Variants in MUC17 observed in about 807,000 individuals in gnomAD.
The protein encoded by MUC17 is mucin 17, cell surface associated.
Under a neutral mutation model 170.3 loss-of-function variants are expected in MUC17, and 190 were observed. That is an observed-to-expected ratio of 1.12 (90% confidence interval 0.99 to 1.26). The LOEUF (loss-of-function observed/expected upper bound fraction) is 1.26. MUC17 is among the 50% of genes most tolerant of loss of function. MUC17 has a pLI of 0.00. For missense variants in MUC17, 6,415 were observed against 5,530.0 expected, an observed-to-expected ratio of 1.16 and a Z score of -5.08; for synonymous variants, 2,325 against 2,002.5, an observed-to-expected ratio of 1.16 and a Z score of -4.30.
rs142444596 is a variant in MUC17, at chr7:101,037,153, G to T, written c.5737G>T (p.Gly1913Cys). 1,102 of 1,612,556 alleles carry T rather than the reference G, an allele frequency of 6.8e-4. 1 individual carries two copies. Among genetic ancestry groups the T allele is most frequent in the South Asian group, 9.6e-4 (87 of 90,618 alleles). Residue 1913 changes from glycine (G) to cysteine (C), a missense_variant, in exon 3 of 13, where the codon GGT becomes TGT. Gly to Cys is a radical substitution (Grantham distance 159, BLOSUM62 -3). Transcript: ENST00000306151. ...CAGTTCATCTCCTACAACTGCTGAC[G>T]GTAGCAGCATGCCAACCTCAACTCC... ...QVSSSPTTAD[G>C]SSMPTSTPRE...
In MUC17 at chr7:101,041,598, T is replaced by C. The variant is rs1379536412; in HGVS notation, c.10182T>C (p.Pro3394=). 1 of 1,613,616 alleles carries C rather than the reference T, an allele frequency of 6.2e-7. No individual in the cohort carries two copies. The highest frequency in any genetic ancestry group is 8.5e-7 in the Non-Finnish European group (1 of 1,179,898). The change falls in exon 3 of 13, where the codon CCT becomes CCC. Residue 3394 remains proline (P), a synonymous_variant. Coordinates refer to ENST00000306151, the MANE Select transcript of MUC17 (RefSeq NM_001040105.2). ...AEGTSIPTSS[P]SEGTTPLASM... is the part of the protein sequence containing the mutation. ...GTACCAGCATACCAACCTCAAGTCC[T>C]AGTGAAGGAACCACTCCATTAGCAA...
In MUC17 at chr7:101,035,323, G is replaced by T. The variant is rs760397026; in HGVS notation, c.3907G>T (p.Val1303Phe). 1 of 1,610,456 alleles carries T rather than the reference G, an allele frequency of 6.2e-7. No individual in the cohort carries two copies. The highest frequency in any genetic ancestry group is 2.2e-5 in the East Asian group (1 of 44,560). ...GGCTAGCACCCTTTTAACAACTCCT[G>T]TTGACACTAAAGGTCCTGTGGTCAC... ...PEASTLLTTP[V>F]DTKGPVVTSN... The change falls in exon 3 of 13, where the codon GTT becomes TTT. Residue 1303 changes from valine (V) to phenylalanine (F), a missense_variant. Val to Phe is a conservative substitution (Grantham distance 50). Coordinates refer to ENST00000306151, the MANE Select transcript of MUC17 (RefSeq NM_001040105.2).
In MUC17 at chr7:101,042,292, C is replaced by T. The variant is rs770294093; in HGVS notation, c.10876C>T (p.Pro3626Ser). The T allele has an allele frequency of 1.4e-5, 22 of 1,613,794 alleles. No homozygotes were observed. The highest frequency in any genetic ancestry group is 1.9e-5 in the Non-Finnish European group (22 of 1,179,948). Residue 3626 changes from proline (P) to serine (S), a missense_variant, in exon 3 of 13, where the codon CCA becomes TCA. Physicochemically the swap from Pro to Ser is moderately conservative, Grantham distance 74. Transcript: ENST00000306151. The part of the protein sequence containing the change: ...TPTPPEVITL[P>S]MSTPSEVSTP... The stretch of plus-strand genomic sequence containing the variant: ...TACACCTCCTGAAGTTATCACCCTG[C>T]CAATGTCAACTCCTAGTGAAGTAAG...
In MUC17 at chr7:101,037,509, T is replaced by C; in HGVS notation, c.6093T>C (p.Gly2031=). The C allele has an allele frequency of 6.2e-7, 1 of 1,613,492 alleles. No homozygotes were observed. The highest frequency in any genetic ancestry group is 8.5e-7 in the Non-Finnish European group (1 of 1,179,788). The change falls in exon 3 of 13, where the codon GGT becomes GGC. Residue 2031 remains glycine (G), a synonymous_variant. Coordinates refer to ENST00000306151, the MANE Select transcript of MUC17 (RefSeq NM_001040105.2). The part of the protein sequence containing the change: ...EGSSSPTTAG[G]TSIQTSTPSE... ...GTTCATCTCCTACAACTGCAGGAGG[T>C]ACCAGCATACAAACCTCAACTCCTA...
rs374588011 is a variant in MUC17 at position 101,058,087 on chromosome 7, G to A, written c.*43G>A. ...TCTGGGAGTGAGGAGATCCCAGTCC[G>A]GCTAAGCTTGGTGGAGCATTTTCCC... On this transcript the variant is annotated 3_prime_UTR_variant, in exon 13 of 13. Coordinates refer to ENST00000306151, the MANE Select transcript of MUC17 (RefSeq NM_001040105.2). 25 of 1,584,204 alleles carry A rather than the reference G, an allele frequency of 1.6e-5. No individual in the cohort carries two copies. Among genetic ancestry groups the A allele is most frequent in the Middle Eastern group, 1.7e-4 (1 of 6,008 alleles).
Position 101,042,849 on chromosome 7 carries a change from A to G in MUC17, c.11433A>G (p.Glu3811=). ...TTTMPMSTTS[E]RSTLLTTVLI... Reference sequence around the variant, plus strand: ...CCATGCCTATGTCAACTACGAGTGAAAGAAGCACTTTATTGACAACTGTCC... The same window carrying G: ...CCATGCCTATGTCAACTACGAGTGAGAGAAGCACTTTATTGACAACTGTCC... The change falls in exon 3 of 13, where the codon GAA becomes GAG. Residue 3811 remains glutamate, a synonymous_variant. Coordinates refer to ENST00000306151, the MANE Select transcript of MUC17 (RefSeq NM_001040105.2). The G allele has an allele frequency of 1.2e-6, 2 of 1,614,148 alleles. No individual in the cohort carries two copies. Among genetic ancestry groups the G allele is most frequent in the Non-Finnish European group, 1.7e-6 (2 of 1,180,018 alleles).
In MUC17 at chr7:101,038,554, A is replaced by C. The variant is rs201819666; in HGVS notation, c.7138A>C (p.Thr2380Pro). The stretch of plus-strand genomic sequence containing the variant: ...TTATTCTCAAGCCGGTTCATCTCCT[A>C]CAACTGCTGACGATACTAGCATGCC... ...TTYSQAGSSP[T>P]TADDTSMPTS... Residue 2380 changes from threonine (T) to proline (P), a missense_variant, in exon 3 of 13, where the codon ACA becomes CCA. By Grantham distance (38) the Thr-to-Pro change is conservative. Transcript: ENST00000306151. 5 of 1,613,858 alleles carry C rather than the reference A, an allele frequency of 3.1e-6. No individual in the cohort carries two copies. The highest frequency in any genetic ancestry group is 4.2e-6 in the Non-Finnish European group (5 of 1,179,918).
Position 101,042,704 on chromosome 7 carries a change from C to T in MUC17, c.11288C>T (p.Thr3763Ile), listed in dbSNP as rs1410926637. 2 of 1,613,728 alleles carry T rather than the reference C, an allele frequency of 1.2e-6. No individual in the cohort carries two copies. Among genetic ancestry groups the T allele is most frequent in the Non-Finnish European group, 1.7e-6 (2 of 1,180,050 alleles). Residue 3763 changes from threonine (T) to isoleucine (I), a missense_variant, in exon 3 of 13, where the codon ACA becomes ATA. By Grantham distance (89) the Thr-to-Ile change is moderately conservative. Transcript: ENST00000306151. The part of the protein sequence containing the change: ...TLGTTILVST[T>I]PVTRFPESST... The stretch of plus-strand genomic sequence containing the variant: ...GGGACCACTATTCTTGTCAGTACCA[C>T]ACCTGTTACGAGGTTTCCTGAGAGT...
rs749243974 is a variant in MUC17 at position 101,035,307 on chromosome 7, C to A, written c.3891C>A (p.Thr1297=). ...TTLVTSPEAS[T]LLTTPVDTKG... ...TGGTGACCAGTCCTGAGGCTAGCAC[C>A]CTTTTAACAACTCCTGTTGACACTA... The change falls in exon 3 of 13, where the codon ACC becomes ACA. Residue 1297 remains threonine (T), a synonymous_variant. Transcript: ENST00000306151. The A allele has an allele frequency of 1.2e-6, 2 of 1,610,272 alleles. No homozygotes were observed. Among genetic ancestry groups the A allele is most frequent in the African/African-American group, 1.3e-5 (1 of 74,670 alleles).
At position 101,038,636 on chromosome 7, in the gene MUC17, T is replaced by G. The variant is rs111633703; in HGVS notation, c.7220T>G (p.Met2407Arg). The G allele has an allele frequency of 2.0e-5, 32 of 1,604,864 alleles. No individual in the cohort carries two copies. Among genetic ancestry groups the G allele is most frequent in the East Asian group, 9.0e-5 (4 of 44,372 alleles). Residue 2407 changes from methionine (M) to arginine (R), a missense_variant, in exon 3 of 13, where the codon ATG (methionine) becomes AGG (arginine). Coordinates refer to ENST00000306151, the MANE Select transcript of MUC17 (RefSeq NM_001040105.2). ...TPLTSVPVSTMPVVSSEASTH... is the reference protein window; with the variant it reads ...TPLTSVPVSTRPVVSSEASTH... ...CTAACAAGTGTGCCTGTCAGCACCATGCCGGTGGTCAGTTCTGAGGCTAGC... is the reference window on the plus strand; with the variant it reads ...CTAACAAGTGTGCCTGTCAGCACCAGGCCGGTGGTCAGTTCTGAGGCTAGC...
At chr7:101,047,931 G>T in intron 3 of MUC17, 53 bp from the exon 4 acceptor site, 1 of 1,524,886 alleles carries the variant, frequency 6.6e-7, no homozygotes, top group Non-Finnish European at 8.8e-7. Context: ...TCCTTCCAGT[G>T]AGGTGCCTCA....
Position 101,033,826 on chromosome 7 carries a change from G to T in MUC17, c.2410G>T (p.Gly804Ter). Residue 804 changes from glycine (G) to a stop codon, truncating the protein, a stop_gained, in exon 3 of 13, where the codon GGA (glycine) becomes TGA (stop). Transcript: ENST00000306151. LOFTEE classifies it high-confidence loss of function. Reference protein sequence around the residue: ...TSMPISTPSEGSPLLTSIPVS... With the variant: ...TSMPISTPSE The stretch of plus-strand genomic sequence containing the variant: ...CATGCCAATCTCAACTCCTAGTGAA[G>T]GAAGTCCTTTATTAACAAGTATACC... 6.2e-7 allele frequency: 1 copy of T among 1,613,822 alleles called. No homozygotes were observed.
rs139938800 is a variant in MUC17, at chr7:101,042,116, G to C, written c.10700G>C (p.Arg3567Pro). The change falls in exon 3 of 13, where the codon CGT becomes CCT. Residue 3567 changes from arginine (R) to proline (P), a missense_variant. Transcript: ENST00000306151. ...SPATLQVTTM[R>P]MSTPSEGSSS... ...GCAACTCTTCAGGTCACCACTATGC[G>C]TATGTCTACTCCAAGTGAAGGAAGC... is the stretch of plus-strand genomic sequence containing the variant. The C allele has an allele frequency of 1.2e-6, 2 of 1,613,886 alleles. No individual in the cohort carries two copies. The highest frequency in any genetic ancestry group is 1.7e-6 in the Non-Finnish European group (2 of 1,179,976).
intron 7 of MUC17, 75 bp downstream of exon 7, chr7:101,050,710 G>C: frequency 1.3e-6 from 2 of 1,539,222 alleles, no homozygotes; most frequent in Non-Finnish European, 1.7e-6. Flanking sequence ...TAGACAGGAG[G>C]GCGGGAGTGA....
At position 101,034,372 on chromosome 7, in the gene MUC17, A is replaced by G; in HGVS notation, c.2956A>G (p.Thr986Ala). 6.2e-7 allele frequency: 1 copy of G among 1,608,652 alleles called. No individual in the cohort carries two copies. Among genetic ancestry groups the G allele is most frequent in the East Asian group, 2.3e-5 (1 of 44,102 alleles). Residue 986 changes from threonine to alanine, a missense_variant, in exon 3 of 13, where the codon ACA (threonine) becomes GCA (alanine). Physicochemically the swap from Thr to Ala is moderately conservative, Grantham distance 58 (BLOSUM62 0). Coordinates refer to ENST00000306151, the MANE Select transcript of MUC17 (RefSeq NM_001040105.2). ...STPSEGTTPL[T>A]STPVSHTLVA... is the part of the protein sequence containing the mutation. The stretch of plus-strand genomic sequence containing the variant: ...TCCTAGTGAAGGAACGACTCCATTA[A>G]CAAGCACACCTGTCAGCCACACGCT...
chr7:101,049,177 C>G (rs1039153353), intron 5 of MUC17, 147 bp from the exon 6 acceptor site: 9 of 1,381,550 alleles, frequency 6.5e-6, no homozygotes, highest in Admixed American at 5.3e-5. Flanking sequence ...TGGGGTGGAG[C>G]AGGTCTCTGG....
At chr7:101,029,652 G>T (rs1192818087) in intron 1 of MUC17, among the ~76,000 whole-genome samples, 1 of 151,858 alleles carries the variant, frequency 6.6e-6, no homozygotes, top group East Asian at 1.9e-4. Flanking sequence ...AGGCCGGAGT[G>T]CAGTGGCACG....
Position 101,053,432 on chromosome 7 carries a change from C to T in MUC17, c.13359C>T (p.Cys4453=). 1.2e-6 allele frequency: 2 copies of T among 1,612,928 alleles called. No individual in the cohort carries two copies. Among genetic ancestry groups the T allele is most frequent in the Non-Finnish European group, 1.7e-6 (2 of 1,179,486 alleles). The stretch of plus-strand genomic sequence containing the variant: ...TCCAAAACATTGGCTTTGACATCTG[C>T]CAAGGTATTGGCCTTCCTCTCTGAA... ...GTFQNIGFDI[C]QDDDSIHLES... is the part of the protein sequence containing the mutation. The change falls in exon 11 of 13, where the codon TGC becomes TGT. Residue 4453 remains cysteine, a synonymous_variant. Coordinates refer to ENST00000306151, the MANE Select transcript of MUC17 (RefSeq NM_001040105.2).
At chr7:101,052,412 G>A (rs1215885931) in intron 9 of MUC17, among the ~76,000 whole-genome samples, 1 of 152,240 alleles carries the variant, frequency 6.6e-6, no homozygotes, top group Non-Finnish European at 1.5e-5. Flanking sequence ...GAACCAAAGA[G>A]AGAGAACAGC....
Sources: allele counts gnomAD v4.1 joint callset (sites outside exome capture counted in the v4.1 genomes callset), GRCh38; gene constraint gnomAD v4.1.1; transcripts MANE v1.5; gene names NCBI Gene and HGNC (gene_info 2026-07-23, HGNC 2026-07-21).